UGT2A1: variants seen among roughly 807,000 people sequenced by gnomAD.
UGT2A1 encodes the protein UDP-glucuronosyltransferase 2A1.
A neutral mutation model predicts 45.4 loss-of-function variants in UGT2A1; 61 were observed. The ratio of observed to expected loss-of-function variants is 1.34; its 90% CI spans 1.09 to 1.66. The LOEUF is 1.66. UGT2A1 is among the 40% of genes most tolerant of loss of function. The pLI is 0.00. For missense variants in UGT2A1, 649 were observed against 574.3 expected (o/e 1.13, Z -1.33); for synonymous variants, 229 against 196.2 (o/e 1.17, Z -1.40).
intron 3 of UGT2A1, among the ~76,000 whole-genome samples, chr4:69,606,312 A>G (rs1384005026): frequency 7.3e-6 from 1 of 136,584 alleles, no homozygotes; most frequent in African/African-American, 3.0e-5. Flanking sequence ...AACAGAACCA[A>G]AGACAAAAAC....
intron 3 of UGT2A1, among the ~76,000 whole-genome samples, chr4:69,611,842 G>A (rs1164645449): frequency 2.6e-5 from 4 of 152,068 alleles, no homozygotes; most frequent in Non-Finnish European, 5.9e-5. Flanking sequence ...AAGTAGGAAA[G>A]CCTAATGGAT....
At chr4:69,621,395 C>A (rs1364076588) in intron 3 of UGT2A1, among the ~76,000 whole-genome samples, 1 of 151,614 alleles carries the variant, frequency 6.6e-6, no homozygotes, top group Non-Finnish European at 1.5e-5. Flanking sequence ...TATTAAAAAG[C>A]TAAAAGCTAA....
chr4:69,647,144 A>T lies in UGT2A1; in HGVS notation c.501T>A (p.Phe167Leu). 1 of 1,613,026 alleles carries T rather than the reference A, an allele frequency of 6.2e-7. No homozygotes were observed. The highest frequency in any genetic ancestry group is 8.5e-7 in the Non-Finnish European group (1 of 1,179,370). Residue 167 changes from phenylalanine to leucine, a missense_variant, in exon 2 of 7, where the codon TTT becomes TTA. Physicochemically the swap from Phe to Leu is conservative, Grantham distance 22. Transcript: ENST00000286604. ...CTGGAGAAAACCTCAAGGAGTACAT[A>T]AATGGAATTCCAAGTTTTAAAGCTA... ...DIVALKLGIP[F>L]MYSLRFSPAS... is the part of the protein sequence containing the mutation.
At position 69,593,700 on chromosome 4, in the gene UGT2A1, T is replaced by G. The variant is rs1718717367; in HGVS notation, c.1304+777A>C. 3.3e-5 allele frequency among the ~76,000 whole-genome samples: 5 copies of G among 151,712 alleles called. No individual in the cohort carries two copies. In the South Asian group the frequency reaches 1.0e-3, roughly 32 times the overall value. Reference sequence around the variant, plus strand: ...ATAGTACAAATCAATATTTAAAAAATTATCCACTACCCTATATCTTTTCTC... The same window carrying G: ...ATAGTACAAATCAATATTTAAAAAAGTATCCACTACCCTATATCTTTTCTC... On this transcript the variant is annotated intron_variant, in intron 6 of 6. Transcript: ENST00000286604.
chr4:69,589,682 A>T (rs1718480393), intron 6 of UGT2A1, 31 bp from the exon 7 acceptor site: 1 of 1,565,700 alleles, frequency 6.4e-7, no homozygotes. Context: ...CAGAAATTAG[A>T]CAATTTTTGT....
chr4:69,611,356 G>A lies in UGT2A1; in HGVS notation c.848-11962C>T, dbSNP rs1232518881. Among the ~76,000 whole-genome samples the A allele has an allele frequency of 4.6e-5, 7 of 151,266 alleles. No individual in the cohort carries two copies. In the South Asian group the frequency reaches 8.4e-4, roughly 18 times the overall value. ...AAGTCAGAAACAACAAAATACAGCA[G>A]GGTCATAAAAGTACTCTAAGAAAAT... is the stretch of plus-strand genomic sequence containing the variant. On this transcript the variant is annotated intron_variant, in intron 3 of 6. Transcript: ENST00000286604.
intron 2 of UGT2A1, 67 bp downstream of exon 2, chr4:69,646,863 A>G: frequency 8.9e-7 from 1 of 1,128,176 alleles, no homozygotes; most frequent in Non-Finnish European, 1.2e-6. Flanking sequence ...ATAGGGAAAT[A>G]AAGAAGAGGC....
intron 3 of UGT2A1, among the ~76,000 whole-genome samples, chr4:69,626,392 G>C (rs1400675258): frequency 2.0e-5 from 3 of 150,778 alleles, no homozygotes; most frequent in Non-Finnish European, 4.4e-5. Context: ...TTTTATATAC[G>C]TATGTATACA....
chr4:69,627,955 C>T (rs1721182832), intron 3 of UGT2A1, among the ~76,000 whole-genome samples: 1 of 151,886 alleles, frequency 6.6e-6, no homozygotes, highest in Admixed American at 6.6e-5. Flanking sequence ...TATTCACTTC[C>T]ATTCCACAGA....
chr4:69,629,605 TC>T (rs1721274672), intron 3 of UGT2A1, among the ~76,000 whole-genome samples: 1 of 152,028 alleles, frequency 6.6e-6, no homozygotes, highest in African/African-American at 2.4e-5. Flanking sequence ...ACCCAAGACA[TC>T]AAGGTTCAGG....
In UGT2A1 at chr4:69,624,381, G is replaced by A. The variant is rs188568612; in HGVS notation, c.847+11310C>T. On this transcript the variant is annotated intron_variant, in intron 3 of 6. Transcript: ENST00000286604. ...TATGAGTTTCTTAAGATAGCACAGAGTTTAGTCTTGCTTTTTTTAAAAAAA... is the reference window on the plus strand; with the variant it reads ...TATGAGTTTCTTAAGATAGCACAGAATTTAGTCTTGCTTTTTTTAAAAAAA... Among the ~76,000 whole-genome samples the A allele has an allele frequency of 1.1e-4, 16 of 151,252 alleles. No homozygotes were observed. The East Asian group carries it at 2.3e-3, about 22-fold the overall frequency.
At chr4:69,643,329 G>A (rs567942202) in intron 2 of UGT2A1, among the ~76,000 whole-genome samples, 1 of 151,658 alleles carries the variant, frequency 6.6e-6, no homozygotes, top group African/African-American at 2.4e-5. Flanking sequence ...ATTTGCACCT[G>A]AAATTTAAAA....
intron 1 of UGT2A1, among the ~76,000 whole-genome samples, chr4:69,648,434 T>C (rs1439208084): frequency 1.3e-5 from 2 of 151,890 alleles, no homozygotes; most frequent in East Asian, 1.9e-4. Flanking sequence ...AAAAGTGCTG[T>C]TCAAAAACTA....
chr4:69,635,466 C>A (rs1721623000), intron 3 of UGT2A1, among the ~76,000 whole-genome samples: 4 of 152,140 alleles, frequency 2.6e-5, no homozygotes, highest in African/African-American at 9.7e-5. Context: ...GCAGCAAAGG[C>A]TAGTCTCAAA....
intron 3 of UGT2A1, among the ~76,000 whole-genome samples, chr4:69,615,010 C>T (rs1488026660): frequency 6.6e-6 from 1 of 151,922 alleles, no homozygotes; most frequent in South Asian, 2.1e-4. Context: ...CACTTTTAAA[C>T]AGCTATATCT....
intron 3 of UGT2A1, among the ~76,000 whole-genome samples, chr4:69,635,241 C>G (rs988001539): frequency 6.6e-6 from 1 of 152,050 alleles, no homozygotes; most frequent in African/African-American, 2.4e-5. Flanking sequence ...GAGGGCCCAA[C>G]ATGGTACTGA....
intron 6 of UGT2A1, among the ~76,000 whole-genome samples, chr4:69,593,886 A>G (rs1015064617): frequency 6.6e-6 from 1 of 151,870 alleles, no homozygotes; most frequent in Non-Finnish European, 1.5e-5. Context: ...TATAATATTA[A>G]GCAGATTATC....
intron 2 of UGT2A1, among the ~76,000 whole-genome samples, chr4:69,641,216 G>A (rs578231873): frequency 2.0e-4 from 31 of 151,902 alleles, no homozygotes; most frequent in African/African-American, 7.0e-4. Context: ...CCACTTTTAC[G>A]TAATATCTGC....
At chr4:69,627,483 GGCAGGCAT>G (rs1721132209) in intron 3 of UGT2A1, among the ~76,000 whole-genome samples, 1 of 148,110 alleles carries the variant, frequency 6.8e-6, no homozygotes, top group African/African-American at 2.5e-5. Context: ...CAGGCAGGCA[GGCAGGCAT>G]GCAGGAAGGA....
Sources: gnomAD v4.1 joint callset for allele counts (sites outside exome capture counted in the v4.1 genomes callset) on GRCh38, gnomAD v4.1.1 for gene constraint, MANE v1.5 for transcripts, NCBI Gene and HGNC (gene_info 2026-07-23, HGNC 2026-07-21) for gene names.